The following ADORA2B variants were observed in gnomAD, a reference collection of about 807,000 sequenced individuals.
ADORA2B encodes adenosine receptor A2b.
ADORA2B carries 18 observed loss-of-function variants against 20.8 expected under a neutral mutation model. The observed-to-expected ratio is 0.87, with a 90% CI of 0.60 to 1.29. The LOEUF (loss-of-function observed/expected upper bound fraction) is 1.29, where lower values mean the gene tolerates loss of function less well. Among genes scored for constraint, ADORA2B ranks in the 50% most tolerant of loss-of-function variants. The probability of loss-of-function intolerance (pLI) is 0.00; values close to 1 mark genes in which losing one functional copy is unlikely to be tolerated. For missense variants in ADORA2B, 441 were observed against 422.7 expected (o/e 1.04, Z -0.38); for synonymous variants, 179 against 178.3 (o/e 1.00, Z -0.03).
At chr17:15,933,715 A>G in the ADORA2B span, among the ~76,000 whole-genome samples, 6 of 151,928 alleles carry the variant, frequency 3.9e-5, no homozygotes, top group African/African-American at 1.5e-4. Flanking sequence ...TGTTTTGTGG[A>G]TCTCTTAGGG....
At chr17:15,880,239 A>C in the ADORA2B span, among the ~76,000 whole-genome samples, 1 of 133,818 alleles carries the variant, frequency 7.5e-6, no homozygotes, top group Admixed American at 7.6e-5. Flanking sequence ...TTTGTGTAAA[A>C]AGCTTTGATT....
At chr17:15,880,617 G>A in the ADORA2B span, among the ~76,000 whole-genome samples, 1 of 149,984 alleles carries the variant, frequency 6.7e-6, no homozygotes, top group African/African-American at 2.5e-5. Flanking sequence ...GGGTCGGACA[G>A]CAGCCTACAA....
At chr17:15,863,835 A>T in the ADORA2B span, among the ~76,000 whole-genome samples, 3 of 151,800 alleles carry the variant, frequency 2.0e-5, no homozygotes, top group South Asian at 2.1e-4. Context: ...ATGTAGCAAA[A>T]CTCTCCCCAG....
At chr17:15,865,830 C>CT in the ADORA2B span, among the ~76,000 whole-genome samples, 232 of 145,672 alleles carry the variant, frequency 1.6e-3, no homozygotes, top group Middle Eastern at 7.0e-3. Context: ...TTGCATGTAT[C>CT]TTTTTTTTTT....
chr17:15,874,410 G>A, the ADORA2B span, among the ~76,000 whole-genome samples: 1 of 151,814 alleles, frequency 6.6e-6, no homozygotes, highest in African/African-American at 2.4e-5. Flanking sequence ...TGTCGTGGCT[G>A]GGCACAGTGG....
the ADORA2B span, among the ~76,000 whole-genome samples, chr17:15,885,709 G>A: frequency 6.8e-5 from 9 of 132,986 alleles, no homozygotes; most frequent in East Asian, 2.2e-4. Context: ...GCAAGACTCC[G>A]TATCAAAAAA....
the ADORA2B span, among the ~76,000 whole-genome samples, chr17:15,916,579 C>T: frequency 2.0e-5 from 3 of 152,142 alleles, no homozygotes; most frequent in African/African-American, 7.2e-5. Flanking sequence ...TAGAACAGAA[C>T]AGGACAGGGA....
At chr17:15,903,894 G>A in the ADORA2B span, among the ~76,000 whole-genome samples, 2 of 151,814 alleles carry the variant, frequency 1.3e-5, no homozygotes, top group African/African-American at 2.4e-5. Flanking sequence ...TTCAAATTAC[G>A]TAGAACCTCT....
In ADORA2B at chr17:15,974,827, A is replaced by C. The variant is rs370199715; in HGVS notation, c.484A>C (p.Thr162Pro). ...CTGCACAGAACCCTGGGATGGAACC[A>C]CGAATGAAAGCTGCTGCCTTGTGAA... Reference protein sequence around the residue: ...NNCTEPWDGTTNESCCLVKCL... With the variant: ...NNCTEPWDGTPNESCCLVKCL... The change falls in exon 2 of 2, where the codon ACG becomes CCG. Residue 162 changes from threonine (T) to proline (P), a missense_variant. Transcript: ENST00000304222. The C allele has an allele frequency of 1.2e-5, 20 of 1,614,186 alleles. No homozygotes were observed. The highest frequency in any genetic ancestry group is 1.6e-5 in the Non-Finnish European group (19 of 1,180,044).
At chr17:15,900,935 T>C in the ADORA2B span, among the ~76,000 whole-genome samples, 1 of 152,194 alleles carries the variant, frequency 6.6e-6, no homozygotes, top group African/African-American at 2.4e-5. Context: ...AGGGAGAATA[T>C]GTGACATCGC....
In ADORA2B at chr17:15,954,245, T is replaced by C. The variant is rs1216748374; in HGVS notation, c.335+8662T>C. Among the ~76,000 whole-genome samples the C allele has an allele frequency of 2.6e-5, 4 of 152,280 alleles. No individual in the cohort carries two copies. The East Asian group carries it at 7.7e-4, about 29-fold the overall frequency. ...CCACCTGCCTCGGTCTCCCAAAGTG[T>C]TGGGATTACAGGTGTGACCCACTGC... On this transcript the variant is annotated intron_variant, in intron 1 of 1. Transcript: ENST00000304222.
chr17:15,896,094 T>G, the ADORA2B span, among the ~76,000 whole-genome samples: 1 of 152,176 alleles, frequency 6.6e-6, no homozygotes, highest in African/African-American at 2.4e-5. Flanking sequence ...CAGAAGAGGT[T>G]TGGAGTCCAG....
the ADORA2B span, among the ~76,000 whole-genome samples, chr17:15,889,718 C>CA: frequency 1.5e-5 from 2 of 129,200 alleles, 1 homozygote; most frequent in Non-Finnish European, 3.3e-5. Flanking sequence ...GCCAACATGG[C>CA]AAAATCCCGT....
the ADORA2B span, among the ~76,000 whole-genome samples, chr17:15,863,201 A>G: frequency 3.9e-5 from 6 of 152,198 alleles, no homozygotes; most frequent in Admixed American, 2.0e-4. Context: ...GGGTATATTA[A>G]TATGCTTCTG....
At chr17:15,854,755 T>C in the ADORA2B span, among the ~76,000 whole-genome samples, 4 of 152,150 alleles carry the variant, frequency 2.6e-5, no homozygotes, top group Admixed American at 6.5e-5. Flanking sequence ...TCCTCACTCA[T>C]GTGCACAGAC....
chr17:15,931,234 C>T, the ADORA2B span, among the ~76,000 whole-genome samples: 1 of 152,296 alleles, frequency 6.6e-6, no homozygotes, highest in South Asian at 2.1e-4. Context: ...TGTTATTCCA[C>T]CTGGAAATTT....
At chr17:15,919,540 C>G in the ADORA2B span, among the ~76,000 whole-genome samples, 58 of 152,318 alleles carry the variant, frequency 3.8e-4, no homozygotes, top group South Asian at 1.9e-3. Flanking sequence ...GTCTGTTTCC[C>G]ACCCTCAACC....
intron 1 of ADORA2B, among the ~76,000 whole-genome samples, chr17:15,957,561 G>C (rs1969983764): frequency 6.6e-6 from 1 of 152,178 alleles, no homozygotes; most frequent in South Asian, 2.1e-4. Flanking sequence ...GGTCGCCTGG[G>C]TGATGCCATC....
chr17:15,863,594 T>C, the ADORA2B span, among the ~76,000 whole-genome samples: 4 of 152,136 alleles, frequency 2.6e-5, no homozygotes, highest in African/African-American at 9.7e-5. Flanking sequence ...GCTCAGGTAA[T>C]CCTCCTGCCT....
Sources: gnomAD v4.1 joint callset for allele counts (sites outside exome capture counted in the v4.1 genomes callset) on GRCh38, gnomAD v4.1.1 for gene constraint, MANE v1.5 for transcripts, NCBI Gene and HGNC (gene_info 2026-07-23, HGNC 2026-07-21) for gene names.